The following RTTN variants were observed in gnomAD, a reference collection of about 807,000 sequenced individuals.
RTTN encodes rotatin.
A neutral mutation model predicts 269.2 loss-of-function variants in RTTN; 182 were observed. That is an observed-to-expected ratio of 0.68 (90% confidence interval 0.60 to 0.76). The LOEUF (loss-of-function observed/expected upper bound fraction) is 0.76, where lower values mean the gene tolerates loss of function less well. Ranked by LOEUF, RTTN falls within the 30% of genes least tolerant of loss-of-function variation. The pLI is 0.00. For missense variants in RTTN, 2,545 were observed against 2,608.6 expected (o/e 0.98, Z 0.53); for synonymous variants, 1,006 against 963.5 (o/e 1.04, Z -0.82).
intron 14 of RTTN, among the ~76,000 whole-genome samples, chr18:70,163,088 A>AAC (rs1332519417): frequency 1.4e-5 from 2 of 146,896 alleles, no homozygotes; most frequent in East Asian, 2.0e-4. Context: ...AAAAAAAAAA[A>AAC]AAAAAAAAAA....
chr18:70,150,701 G>A lies in RTTN; in HGVS notation c.1962C>T (p.Pro654=), dbSNP rs199706817. The change falls in exon 15 of 49, where the codon CCC becomes CCT. Residue 654 remains proline, a synonymous_variant. Coordinates refer to ENST00000640769, the MANE Select transcript of RTTN (RefSeq NM_173630.4). ...GAATTCCATTGCAAAGTGAAGACAC[G>A]GGTTTAGTGACATTATGGACACCTA... ...ECLGVHNVTK[P]VSSLCNGIHF... 42 of 1,606,892 alleles carry A rather than the reference G, an allele frequency of 2.6e-5. No individual in the cohort carries two copies. The East Asian group carries it at 2.7e-4, about 10-fold the overall frequency.
intron 14 of RTTN, among the ~76,000 whole-genome samples, chr18:70,151,960 T>G (rs1048236660): frequency 6.6e-6 from 1 of 152,168 alleles, no homozygotes; most frequent in Admixed American, 6.5e-5. Flanking sequence ...CCAAACCCTC[T>G]TCAATGCACA....
intron 33 of RTTN, chr18:70,074,693 T>TA (rs1474362405): frequency 9.9e-5 from 15 of 151,672 alleles, no homozygotes; most frequent in Non-Finnish European, 1.9e-4. Context: ...AAAATTATTA[T>TA]AAAAATGAAT....
intron 34 of RTTN, among the ~76,000 whole-genome samples, chr18:70,068,609 T>TA (rs1230500135): frequency 6.6e-6 from 1 of 152,190 alleles, no homozygotes; most frequent in African/African-American, 2.4e-5. Flanking sequence ...TGGCTTAGTT[T>TA]AAGAGCAAAC....
chr18:70,006,497 A>G lies in RTTN; in HGVS notation c.6422-13T>C, dbSNP rs375654255. 3 of 1,599,294 alleles carry G rather than the reference A, an allele frequency of 1.9e-6. No individual in the cohort carries two copies. The highest frequency in any genetic ancestry group is 2.6e-6 in the Non-Finnish European group (3 of 1,166,720). On this transcript the variant is annotated splice_polypyrimidine_tract_variant and intron_variant, in intron 46 of 48. Coordinates refer to ENST00000640769, the MANE Select transcript of RTTN (RefSeq NM_173630.4). ...GTAATGACTTTTTCTAAAAATGAAC[A>G]TATATTTTTTAAAAGTTCAGTCCCA... is the stretch of plus-strand genomic sequence containing the variant.
intron 37 of RTTN, among the ~76,000 whole-genome samples, chr18:70,056,275 G>C (rs1287112035): frequency 6.6e-6 from 1 of 152,116 alleles, no homozygotes; most frequent in Non-Finnish European, 1.5e-5. Context: ...ATCTACATAA[G>C]GCCAGCTGGT....
chr18:70,202,057 G>A, intron 3 of RTTN, 74 bp from the exon 4 acceptor site: 1 of 834,776 alleles, frequency 1.2e-6, no homozygotes, highest in Non-Finnish European at 1.9e-6. Context: ...TCTTTAAGTG[G>A]TAATGTTTTC....
chr18:70,167,911 C>T (rs1452738800), intron 12 of RTTN, among the ~76,000 whole-genome samples: 1 of 151,944 alleles, frequency 6.6e-6, no homozygotes, highest in Non-Finnish European at 1.5e-5. Context: ...TTTTGGGAGG[C>T]CAAGGTGGGA....
intron 28 of RTTN, among the ~76,000 whole-genome samples, chr18:70,106,127 C>T (rs921800853): frequency 6.6e-6 from 1 of 152,100 alleles, no homozygotes; most frequent in Non-Finnish European, 1.5e-5. Flanking sequence ...GTGGGAAGAT[C>T]ATTTGCGCCA....
rs762457826 is a variant in RTTN at position 70,139,611 on chromosome 18, C to T, written c.2776G>A (p.Val926Met). Residue 926 changes from valine to methionine, a missense_variant, in exon 21 of 49, where the codon GTG becomes ATG. Val to Met is a conservative substitution (Grantham distance 21). Coordinates refer to ENST00000640769, the MANE Select transcript of RTTN (RefSeq NM_173630.4). ...SLSQQSSLLT[V>M]LFRVSLIFHE... is the part of the protein sequence containing the mutation. ...TTCTTTTATTTACCTCTGAATAACA[C>T]GGTCAAAAGAGAAGACTGTTGCGAG... 20 of 1,602,524 alleles carry T rather than the reference C, an allele frequency of 1.2e-5. No individual in the cohort carries two copies. The highest frequency in any genetic ancestry group is 8.4e-5 in the Admixed American group (5 of 59,690).
At chr18:70,005,984 G>C (rs1056940025) in intron 47 of RTTN, 1 of 160,284 alleles carries the variant, frequency 6.2e-6, no homozygotes, top group Non-Finnish European at 1.4e-5. Context: ...GGCTGCAGTC[G>C]TACAAGAACT....
At chr18:70,205,485 G>A in intron 1 of RTTN, 143 bp downstream of exon 1, 18 of 1,328,544 alleles carry the variant, frequency 1.4e-5, no homozygotes, top group Non-Finnish European at 1.7e-5. Context: ...TCCGAGATGG[G>A]TCCCCGGGGG....
At position 70,017,437 on chromosome 18, in the gene RTTN, G is replaced by A. The variant is rs1014805796; in HGVS notation, c.6391C>T (p.Pro2131Ser). Residue 2131 changes from proline to serine, a missense_variant, in exon 46 of 49, where the codon CCT becomes TCT. Pro to Ser is a moderately conservative substitution (Grantham distance 74, BLOSUM62 -1). Transcript: ENST00000640769. Reference sequence around the variant, plus strand: ...GCCAGGATCTTGGGTTTATTTGCAGGACTGAAGCAAACATTATGAAAGATA... The same window carrying A: ...GCCAGGATCTTGGGTTTATTTGCAGAACTGAAGCAAACATTATGAAAGATA... The part of the protein sequence containing the change: ...LLIFHNVCFS[P>S]ANKPKILANE... The A allele has an allele frequency of 1.2e-6, 2 of 1,613,964 alleles. No homozygotes were observed. Among genetic ancestry groups the A allele is most frequent in the Non-Finnish European group, 8.5e-7 (1 of 1,179,904 alleles).
chr18:70,181,887 T>C (rs866418871), intron 10 of RTTN, among the ~76,000 whole-genome samples: 1 of 152,200 alleles, frequency 6.6e-6, no homozygotes, highest in South Asian at 2.1e-4. Context: ...CAACTGGCAC[T>C]TGTACAACAG....
At chr18:70,052,444 T>G (rs1336299643) in intron 38 of RTTN, among the ~76,000 whole-genome samples, 2 of 152,174 alleles carry the variant, frequency 1.3e-5, no homozygotes, top group Non-Finnish European at 2.9e-5. Context: ...GTATATCTCT[T>G]TATGTACTAT....
intron 28 of RTTN, among the ~76,000 whole-genome samples, chr18:70,095,903 C>T (rs1006505583): frequency 6.6e-6 from 1 of 152,020 alleles, no homozygotes; most frequent in Non-Finnish European, 1.5e-5. Context: ...CAATTTGGTC[C>T]ATTCTCCCTG....
At chr18:70,129,514 A>G (rs2059946806) in intron 23 of RTTN, 1 of 152,064 alleles carries the variant, frequency 6.6e-6, no homozygotes, top group African/African-American at 2.4e-5. Context: ...CACCGAGAAC[A>G]TAATTTGGGG....
At chr18:70,093,228 T>C (rs1025775686) in intron 28 of RTTN, among the ~76,000 whole-genome samples, 2 of 147,124 alleles carry the variant, frequency 1.4e-5, no homozygotes, top group South Asian at 4.5e-4. Flanking sequence ...ACAAAAATTC[T>C]TAGTTTCAAT....
At chr18:70,082,439 C>G (rs2058593997) in intron 32 of RTTN, among the ~76,000 whole-genome samples, 1 of 152,104 alleles carries the variant, frequency 6.6e-6, no homozygotes. Context: ...CATCAATAAT[C>G]CATCTCTAAT....
Sources: gnomAD v4.1 joint callset for allele counts (sites outside exome capture counted in the v4.1 genomes callset) on GRCh38, gnomAD v4.1.1 for gene constraint, MANE v1.5 for transcripts, NCBI Gene and HGNC (gene_info 2026-07-23, HGNC 2026-07-21) for gene names.